Variants in NUGGC observed in about 807,000 individuals in gnomAD.
The protein encoded by NUGGC is nuclear GTPase, germinal center associated.
NUGGC carries 58 observed loss-of-function variants against 92.6 expected under a neutral mutation model. The ratio of observed to expected loss-of-function variants is 0.63; its 90% CI spans 0.51 to 0.78. NUGGC has a LOEUF of 0.78. Ranked by LOEUF, NUGGC falls within the 30% of genes least tolerant of loss-of-function variation. The pLI, the probability that NUGGC is intolerant of heterozygous loss-of-function variation, is 0.00. For missense variants in NUGGC, 925 were observed against 964.6 expected (o/e 0.96, Z 0.54); for synonymous variants, 376 against 366.4 (o/e 1.03, Z -0.30).
At position 28,041,076 on chromosome 8, in the gene NUGGC, C is replaced by T. The variant is rs200817436; in HGVS notation, c.1586G>A (p.Arg529His). ...CACCAAGCATGCTCTGAGGATGCAG[C>T]GGTAAGAAGTCCTGGCGGTCCTGAC... ...EGVRTARTSY[R>H]CILRACLVRS... Residue 529 changes from arginine (R) to histidine (H), a missense_variant, in exon 13 of 19, where the codon CGC (arginine) becomes CAC (histidine). Physicochemically the swap from Arg to His is conservative, Grantham distance 29. Transcript: ENST00000413272. The T allele has an allele frequency of 1.6e-4, 262 of 1,605,964 alleles. No homozygotes were observed. The highest frequency in any genetic ancestry group is 2.0e-4 in the Non-Finnish European group (240 of 1,176,392).
intron 18 of NUGGC, among the ~76,000 whole-genome samples, chr8:28,025,476 A>G (rs1809234399): frequency 6.6e-6 from 1 of 152,234 alleles, no homozygotes; most frequent in South Asian, 2.1e-4. Flanking sequence ...GGGAAGCTTC[A>G]CTGAAGCTGG....
chr8:28,063,918 G>A (rs1037146693), intron 7 of NUGGC, among the ~76,000 whole-genome samples: 3 of 151,998 alleles, frequency 2.0e-5, no homozygotes, highest in Admixed American at 6.5e-5. Flanking sequence ...TGTTTACCGC[G>A]CCCTTTCTCA....
At chr8:28,074,313 T>C (rs1333328023) in intron 2 of NUGGC, 55 bp downstream of exon 2, 18 of 1,241,418 alleles carry the variant, frequency 1.4e-5, no homozygotes, top group Non-Finnish European at 1.9e-5. Context: ...CCTTTTATCC[T>C]ATATCAGTAA....
At chr8:28,038,317 G>T (rs1585562016) in intron 13 of NUGGC, among the ~76,000 whole-genome samples, 2 of 152,268 alleles carry the variant, frequency 1.3e-5, no homozygotes, top group South Asian at 4.1e-4. Context: ...TAACTCTTCT[G>T]AGCAGGGATG....
rs144775340 is a variant in NUGGC, at chr8:28,029,206, C to A, written c.2154+60G>T. The A allele has an allele frequency of 7.2e-5, 112 of 1,551,894 alleles. No individual in the cohort carries two copies. In the African/African-American group the frequency reaches 1.2e-3, roughly 17 times the overall value. On this transcript the variant is annotated intron_variant, in intron 17 of 18. Coordinates refer to ENST00000413272, the MANE Select transcript of NUGGC (RefSeq NM_001010906.2). ...CTATGCCTTCCACCTTCTGCACTCG[C>A]TTCCTCTCCTCCCCCGGAGCCTCTC...
intron 12 of NUGGC, among the ~76,000 whole-genome samples, chr8:28,042,968 A>G (rs988773113): frequency 6.6e-6 from 1 of 152,192 alleles, no homozygotes; most frequent in South Asian, 2.1e-4. Flanking sequence ...CTTGGAGTAA[A>G]TACGTTTTAG....
chr8:28,069,545 T>C lies in NUGGC; in HGVS notation c.256A>G (p.Ile86Val). 6.8e-7 allele frequency: 1 copy of C among 1,474,328 alleles called. No homozygotes were observed. Among genetic ancestry groups the C allele is most frequent in the Non-Finnish European group, 9.5e-7 (1 of 1,054,198 alleles). The allele number at this position is 1,474,328 out of a possible 1,614,324, so 91.3% of individuals were successfully genotyped here. A position where few individuals can be genotyped will look rare whatever the true frequency, so the allele number is the denominator to read the frequency against. The change falls in exon 4 of 19, where the codon ATA becomes GTA. Residue 86 changes from isoleucine (I) to valine (V), a missense_variant and splice_region_variant. Coordinates refer to ENST00000413272, the MANE Select transcript of NUGGC (RefSeq NM_001010906.2). ...CAGGGTTGCAGATTTCAGACTCACA[T>C]GAGATACTTGACTCCATTAGGGATG... ...DSIPNGVKYL[I>V]NRLLALIEKP...
chr8:28,065,010 T>C (rs1249652740), intron 6 of NUGGC, among the ~76,000 whole-genome samples: 1 of 152,188 alleles, frequency 6.6e-6, no homozygotes, highest in Non-Finnish European at 1.5e-5. Context: ...AATAAGTTTA[T>C]CTTCTAAACT....
At chr8:28,083,542 A>G (rs539805951) in intron 1 of NUGGC, among the ~76,000 whole-genome samples, 12 of 152,316 alleles carry the variant, frequency 7.9e-5, no homozygotes, top group Non-Finnish European at 1.2e-4. Flanking sequence ...CAAGAATCTG[A>G]ATCAAGCACA....
chr8:28,045,492 A>G (rs1175794989), intron 12 of NUGGC, 35 bp downstream of exon 12: 1 of 1,597,668 alleles, frequency 6.3e-7, no homozygotes, highest in Non-Finnish European at 8.5e-7. Flanking sequence ...CTGCCCAGGA[A>G]GGGGGAGAAT....
In NUGGC at chr8:28,023,394, G is replaced by A. The variant is rs549505578; in HGVS notation, c.2314C>T (p.Arg772Trp). Residue 772 changes from arginine (R) to tryptophan (W), a missense_variant, in exon 19 of 19, where the codon CGG (arginine) becomes TGG (tryptophan). Coordinates refer to ENST00000413272, the MANE Select transcript of NUGGC (RefSeq NM_001010906.2). ...AATTCTTGCATGCCCTTCCTCAGCC[G>A]TGCATTCTCCGCGACCTCCCTCAGG... Reference protein sequence around the residue: ...RSLREVAENARLRKGMQEFLL... With the variant: ...RSLREVAENAWLRKGMQEFLL... 1.9e-5 allele frequency: 31 copies of A among 1,613,974 alleles called. No individual in the cohort carries two copies. Among genetic ancestry groups the A allele is most frequent in the African/African-American group, 2.7e-5 (2 of 75,040 alleles).
chr8:28,072,462 T>C (rs9644136), intron 2 of NUGGC, among the ~76,000 whole-genome samples: 60,899 of 152,110 alleles, frequency 0.4, 15,599 homozygotes, highest in East Asian at 0.89. Context: ...GAAAGGGATG[T>C]AGACTTTGTA....
intron 2 of NUGGC, among the ~76,000 whole-genome samples, chr8:28,074,060 A>G (rs113251861): frequency 0.04 from 5,988 of 151,042 alleles, 164 homozygotes; most frequent in Non-Finnish European, 0.055. Flanking sequence ...CAGCCTCCCA[A>G]ATTGCTGGGA....
chr8:28,073,288 C>T (rs1810636810), intron 2 of NUGGC, among the ~76,000 whole-genome samples: 1 of 151,054 alleles, frequency 6.6e-6, no homozygotes, highest in Non-Finnish European at 1.5e-5. Context: ...CCTGGGATTA[C>T]AGACATGATT....
chr8:28,028,787 G>A (rs1436236576), intron 17 of NUGGC, among the ~76,000 whole-genome samples: 1 of 152,182 alleles, frequency 6.6e-6, no homozygotes, highest in South Asian at 2.1e-4. Context: ...CTTGAGTAGT[G>A]TATTGATATT....
At chr8:28,031,215 T>G in intron 15 of NUGGC, 28 bp downstream of exon 15, 1 of 1,613,668 alleles carries the variant, frequency 6.2e-7, no homozygotes, top group Non-Finnish European at 8.5e-7. Context: ...CCAACCTCAC[T>G]GCTCTCCTCA....
intron 13 of NUGGC, among the ~76,000 whole-genome samples, chr8:28,036,997 A>C (rs1809570436): frequency 6.6e-6 from 1 of 152,168 alleles, no homozygotes; most frequent in East Asian, 1.9e-4. Context: ...GCTCAGAACC[A>C]CTATTGTCTA....
chr8:28,057,913 C>G (rs534876995), intron 9 of NUGGC, among the ~76,000 whole-genome samples: 84 of 152,162 alleles, frequency 5.5e-4, no homozygotes, highest in African/African-American at 2.0e-3. Flanking sequence ...TAGTTCAGGC[C>G]GGGCGCGGTG....
chr8:28,047,488 T>G lies in NUGGC; in HGVS notation c.1312+19A>C. 1 of 1,452,572 alleles carries G rather than the reference T, an allele frequency of 6.9e-7. No individual in the cohort carries two copies. The highest frequency in any genetic ancestry group is 9.4e-7 in the Non-Finnish European group (1 of 1,063,060). The allele number at this position is 1,452,572 out of a possible 1,614,324, so 90.0% of individuals were successfully genotyped here. A position where few individuals can be genotyped will look rare whatever the true frequency, so the allele number is the denominator to read the frequency against. On this transcript the variant is annotated intron_variant, in intron 11 of 18. Transcript: ENST00000413272. ...ATCTTGAGAATTTTAGTGATGGAGA[T>G]TTAAAAAACATAAATTACCCGTTTC...
Sources: gnomAD v4.1 joint callset for allele counts (sites outside exome capture counted in the v4.1 genomes callset) on GRCh38, gnomAD v4.1.1 for gene constraint, MANE v1.5 for transcripts, NCBI Gene and HGNC (gene_info 2026-07-23, HGNC 2026-07-21) for gene names.